SLC2A13: variants seen among roughly 807,000 people sequenced by gnomAD.
SLC2A13 encodes the protein solute carrier family 2 member 13.
A neutral mutation model predicts 64.4 loss-of-function variants in SLC2A13; 32 were observed. The observed-to-expected ratio is 0.50, with a 90% CI of 0.37 to 0.67. The LOEUF is 0.67. SLC2A13 is among the 30% of genes least tolerant of loss of function. SLC2A13 has a pLI of 0.00. For missense variants in SLC2A13, 743 were observed against 829.2 expected, an observed-to-expected ratio of 0.90 and a Z score of 1.28; for synonymous variants, 338 against 327.1, an observed-to-expected ratio of 1.03 and a Z score of -0.36.
rs567510974 is a variant in SLC2A13 at position 39,760,337 on chromosome 12, T to C, written c.1721-85A>G. On this transcript the variant is annotated intron_variant, in intron 9 of 9. Transcript: ENST00000280871. ...AAGATTACTTGATTTTGACTTTTTT[T>C]TTCTGGTCAGTCATGCATAATCACA... 3.9e-5 allele frequency: 51 copies of C among 1,298,708 alleles called. No individual in the cohort carries two copies. The African/African-American group carries it at 7.5e-4, about 19-fold the overall frequency. 80.4% of individuals were successfully genotyped at this position (1,298,708 alleles called of 1,614,324 possible).
intron 1 of SLC2A13, among the ~76,000 whole-genome samples, chr12:40,056,617 C>G (rs138841363): frequency 4.1e-4 from 63 of 152,208 alleles, no homozygotes; most frequent in African/African-American, 1.5e-3. Context: ...GTTCTAAGAA[C>G]AACAGTGTGG....
chr12:40,033,262 A>G (rs1947930408), intron 2 of SLC2A13, among the ~76,000 whole-genome samples: 1 of 152,262 alleles, frequency 6.6e-6, no homozygotes, highest in Non-Finnish European at 1.5e-5. Flanking sequence ...ATTACTTGAT[A>G]ATTAATTCTG....
intron 4 of SLC2A13, among the ~76,000 whole-genome samples, chr12:39,922,490 C>T (rs1945631700): frequency 6.6e-6 from 1 of 152,186 alleles, no homozygotes; most frequent in Non-Finnish European, 1.5e-5. Flanking sequence ...TAACTATTAT[C>T]TATCTTTTTA....
intron 4 of SLC2A13, among the ~76,000 whole-genome samples, chr12:39,928,175 G>A (rs1945760381): frequency 6.6e-6 from 1 of 151,906 alleles, no homozygotes; most frequent in South Asian, 2.1e-4. Flanking sequence ...GTCAAAAAAC[G>A]CTACACATCC....
chr12:39,760,376 CA>C lies in SLC2A13; in HGVS notation c.1721-125del, dbSNP rs916502791. The C allele has an allele frequency of 6.9e-6, 5 of 722,260 alleles. No homozygotes were observed. In the African/African-American group the frequency reaches 7.2e-5, roughly 10 times the overall value. 44.7% of individuals were successfully genotyped at this position (722,260 alleles called of 1,614,324 possible). On this transcript the variant is annotated intron_variant, in intron 9 of 9. Coordinates refer to ENST00000280871, the MANE Select transcript of SLC2A13 (RefSeq NM_052885.4). ...TGCATAATCACAGTATGAAATGGAC[CA>C]AAAAATTACTATGAACCTGGTTTAC...
chr12:39,858,510 C>T (rs1288767336), intron 6 of SLC2A13, among the ~76,000 whole-genome samples: 1 of 152,146 alleles, frequency 6.6e-6, no homozygotes, highest in Non-Finnish European at 1.5e-5. Flanking sequence ...ATTATATTCA[C>T]TGTCAAGATG....
At chr12:39,953,340 G>A (rs922427768) in intron 3 of SLC2A13, among the ~76,000 whole-genome samples, 2 of 151,970 alleles carry the variant, frequency 1.3e-5, no homozygotes, top group African/African-American at 2.4e-5. Context: ...TCCTTTATTA[G>A]ACTGCATTTT....
chr12:39,957,395 C>T (rs1946334228), intron 3 of SLC2A13, among the ~76,000 whole-genome samples: 1 of 152,148 alleles, frequency 6.6e-6, no homozygotes, highest in South Asian at 2.1e-4. Context: ...GTAGAAGTAA[C>T]ACAAAACAAA....
chr12:39,896,240 ATATGTATACATGTATGTATATG>A (rs1297137399), intron 4 of SLC2A13, among the ~76,000 whole-genome samples: 4 of 100,844 alleles, frequency 4.0e-5, no homozygotes, highest in Admixed American at 2.0e-4. Flanking sequence ...ATATGTGTAT[ATATGTATACATGTATGTATATG>A]TGTGTATATA....
chr12:39,993,742 T>C (rs1947178047), intron 3 of SLC2A13, among the ~76,000 whole-genome samples: 1 of 152,214 alleles, frequency 6.6e-6, no homozygotes, highest in Non-Finnish European at 1.5e-5. Flanking sequence ...TATAAAAGTG[T>C]TATGTTCTTA....
intron 3 of SLC2A13, among the ~76,000 whole-genome samples, chr12:40,004,503 G>A (rs1328004759): frequency 6.6e-6 from 1 of 152,078 alleles, no homozygotes; most frequent in Non-Finnish European, 1.5e-5. Context: ...TTTTATATCA[G>A]AGACTTGAGC....
At chr12:39,841,553 T>C (rs1943178719) in intron 6 of SLC2A13, among the ~76,000 whole-genome samples, 1 of 152,134 alleles carries the variant, frequency 6.6e-6, no homozygotes, top group South Asian at 2.1e-4. Flanking sequence ...TATAAATGTA[T>C]ATCTATATAC....
chr12:39,976,949 T>G (rs1946770566), intron 3 of SLC2A13, among the ~76,000 whole-genome samples: 1 of 152,180 alleles, frequency 6.6e-6, no homozygotes, highest in Non-Finnish European at 1.5e-5. Context: ...AGCATTGCCA[T>G]CTTATGCAAT....
At chr12:40,077,672 T>C (rs1938232914) in intron 1 of SLC2A13, among the ~76,000 whole-genome samples, 1 of 152,218 alleles carries the variant, frequency 6.6e-6, no homozygotes, top group African/African-American at 2.4e-5. Flanking sequence ...AGAATAGTTT[T>C]TTCTAATTCT....
chr12:39,965,098 A>C (rs1409535526), intron 3 of SLC2A13, among the ~76,000 whole-genome samples: 2 of 152,246 alleles, frequency 1.3e-5, no homozygotes, highest in Non-Finnish European at 2.9e-5. Flanking sequence ...CAACTTAAAT[A>C]ACAGAAAAGA....
chr12:39,987,527 A>G (rs1591982418), intron 3 of SLC2A13, among the ~76,000 whole-genome samples: 1 of 152,192 alleles, frequency 6.6e-6, no homozygotes. Flanking sequence ...TTCTCAATTA[A>G]TAGCTACTGC....
At chr12:39,773,130 G>A (rs555845735) in intron 7 of SLC2A13, among the ~76,000 whole-genome samples, 1 of 152,346 alleles carries the variant, frequency 6.6e-6, no homozygotes, top group Non-Finnish European at 1.5e-5. Context: ...TTTGACATCA[G>A]TGTGTGGGCT....
intron 4 of SLC2A13, among the ~76,000 whole-genome samples, chr12:39,906,011 C>A (rs1592271622): frequency 6.6e-6 from 1 of 151,996 alleles, no homozygotes; most frequent in South Asian, 2.1e-4. Flanking sequence ...ATTAAGAGGA[C>A]TCTCATAATC....
chr12:39,972,016 T>TTTTTTATATATATATACATATATA (rs1946662360), intron 3 of SLC2A13, among the ~76,000 whole-genome samples: 1 of 17,658 alleles, frequency 5.7e-5, no homozygotes, highest in Non-Finnish European at 1.7e-4. Context: ...ATATATATAT[T>TTTTTTATATATATATACATATATA]TTTTTTTATA....
Sources: gnomAD v4.1 joint callset for allele counts (sites outside exome capture counted in the v4.1 genomes callset) on GRCh38, gnomAD v4.1.1 for gene constraint, MANE v1.5 for transcripts, NCBI Gene and HGNC (gene_info 2026-07-23, HGNC 2026-07-21) for gene names.